The following ZFPM1 variants were observed in gnomAD, a reference collection of about 807,000 sequenced individuals.
ZFPM1 encodes the protein zinc finger protein, FOG family member 1.
Under a neutral mutation model 46.3 loss-of-function variants are expected in ZFPM1, and 28 were observed. That is an observed-to-expected ratio of 0.60 (90% confidence interval 0.45 to 0.83). The LOEUF is 0.83. Among genes scored for constraint, ZFPM1 ranks in the 40% least tolerant of loss-of-function variants. The pLI, the probability that ZFPM1 is intolerant of heterozygous loss-of-function variation, is 0.00. For missense variants in ZFPM1, 1,878 were observed against 1,432.4 expected, an observed-to-expected ratio of 1.31 and a Z score of -5.02; for synonymous variants, 957 against 675.9, an observed-to-expected ratio of 1.42 and a Z score of -6.45.
At chr16:88,504,809 C>T (rs1297636330) in intron 3 of ZFPM1, among the ~76,000 whole-genome samples, 1 of 152,212 alleles carries the variant, frequency 6.6e-6, no homozygotes, top group Non-Finnish European at 1.5e-5. Context: ...TCTGAAAGGG[C>T]AGTTCTGGGC....
At chr16:88,512,324 A>C (rs1911015222) in intron 3 of ZFPM1, among the ~76,000 whole-genome samples, 1 of 152,200 alleles carries the variant, frequency 6.6e-6, no homozygotes, top group Admixed American at 6.5e-5. Context: ...GCAGGTGTGG[A>C]CGCTGCAGGC....
At chr16:88,501,390 C>G (rs796702183) in intron 3 of ZFPM1, among the ~76,000 whole-genome samples, 1 of 92,418 alleles carries the variant, frequency 1.1e-5, no homozygotes, top group African/African-American at 5.1e-5. Flanking sequence ...GGTGCGGGGC[C>G]CTCCCGCAGG....
At position 88,534,153 on chromosome 16, in the gene ZFPM1, C is replaced by A. The variant is rs1393526304; in HGVS notation, c.2195C>A (p.Pro732His). Residue 732 changes from proline (P) to histidine (H), a missense_variant, in exon 10 of 10, where the codon CCC becomes CAC. By Grantham distance (77) the Pro-to-His change is moderately conservative. Transcript: ENST00000319555. ...GPPGPAAPPA[P>H]SPAAPVRTRR... ...CCTGGGCCGGCCGCGCCCCCGGCCC[C>A]CTCTCCCGCCGCGCCTGTGCGCACG... The A allele has an allele frequency of 2.0e-6, 2 of 1,003,612 alleles. No individual in the cohort carries two copies. The highest frequency in any genetic ancestry group is 1.2e-6 in the Non-Finnish European group (1 of 845,216). 62.2% of individuals were successfully genotyped at this position (1,003,612 alleles called of 1,614,324 possible).
At chr16:88,528,293 C>G in intron 6 of ZFPM1, 55 bp downstream of exon 6, 1 of 1,514,858 alleles carries the variant, frequency 6.6e-7, no homozygotes, top group African/African-American at 1.4e-5. Context: ...GAGGAGCAGG[C>G]AGGGCAGGAG....
chr16:88,486,575 T>G (rs1597243049), intron 2 of ZFPM1, among the ~76,000 whole-genome samples: 1 of 147,250 alleles, frequency 6.8e-6, no homozygotes. Flanking sequence ...ACACAGTGGG[T>G]GCTAGGTGCA....
In ZFPM1 at chr16:88,489,335, G is replaced by C; in HGVS notation, c.268+182G>C. The stretch of plus-strand genomic sequence containing the variant: ...GCAGCTGGTGGTATCACTGGAGCTT[G>C]GCACCCTCGCGCCAATCCCGGGCCT... On this transcript the variant is annotated intron_variant, in intron 3 of 9. Transcript: ENST00000319555. 5 of 998,448 alleles carry C rather than the reference G, an allele frequency of 5.0e-6. No homozygotes were observed. In the South Asian group the frequency reaches 9.1e-5, roughly 18 times the overall value. The allele number at this position is 998,448 out of a possible 1,614,324, so 61.8% of individuals were successfully genotyped here.
intron 1 of ZFPM1, among the ~76,000 whole-genome samples, chr16:88,465,229 C>T (rs1260441833): frequency 6.6e-6 from 1 of 152,194 alleles, no homozygotes; most frequent in African/African-American, 2.4e-5. Context: ...GAGACACAGG[C>T]AGGGCGCAGC....
At chr16:88,492,458 C>T (rs1458073983) in intron 3 of ZFPM1, among the ~76,000 whole-genome samples, 1 of 152,206 alleles carries the variant, frequency 6.6e-6, no homozygotes, top group East Asian at 1.9e-4. Flanking sequence ...CCAAGGGGCA[C>T]TCTGCACCTT....
intron 1 of ZFPM1, among the ~76,000 whole-genome samples, chr16:88,456,587 A>T (rs1479207494): frequency 6.6e-6 from 1 of 152,100 alleles, no homozygotes; most frequent in Non-Finnish European, 1.5e-5. Context: ...GGGGCACGTC[A>T]GGTGGTCAGG....
chr16:88,512,205 T>C (rs1212415384), intron 3 of ZFPM1, among the ~76,000 whole-genome samples: 1 of 152,098 alleles, frequency 6.6e-6, no homozygotes, highest in Non-Finnish European at 1.5e-5. Flanking sequence ...GTGGGCCGGG[T>C]AGGGTGGGCA....
At chr16:88,454,931 CAGG>C (rs1430736877) in intron 1 of ZFPM1, among the ~76,000 whole-genome samples, 6 of 152,218 alleles carry the variant, frequency 3.9e-5, no homozygotes, top group Non-Finnish European at 7.3e-5. Context: ...CTTCCCTACT[CAGG>C]AGGTCTCCCG....
At chr16:88,474,058 C>A (rs184905539) in intron 1 of ZFPM1, among the ~76,000 whole-genome samples, 1 of 152,250 alleles carries the variant, frequency 6.6e-6, no homozygotes, top group African/African-American at 2.4e-5. Context: ...CCGAGTTCAG[C>A]GGTGATGAAT....
intron 4 of ZFPM1, among the ~76,000 whole-genome samples, chr16:88,515,584 C>T (rs909887324): frequency 6.6e-6 from 1 of 152,224 alleles, no homozygotes; most frequent in African/African-American, 2.4e-5. Flanking sequence ...GGCAGCTGGG[C>T]GGGTCACGTG....
At chr16:88,526,947 C>A in intron 5 of ZFPM1, 31 bp downstream of exon 5, 3 of 1,538,922 alleles carry the variant, frequency 1.9e-6, no homozygotes, top group Non-Finnish European at 2.6e-6. Context: ...CCGTCCCAAG[C>A]CTTCCGGAAG....
upstream of ZFPM1, among the ~76,000 whole-genome samples, chr16:88,452,383 T>C (rs192543507): frequency 7.9e-5 from 12 of 152,278 alleles, no homozygotes; most frequent in East Asian, 2.3e-3. Context: ...CCGGGCGCTG[T>C]GGGCAACTCC....
chr16:88,514,588 G>T (rs1477014828), intron 4 of ZFPM1, 68 bp downstream of exon 4: 1 of 1,464,158 alleles, frequency 6.8e-7, no homozygotes, highest in Non-Finnish European at 9.0e-7. Context: ...CCAGGGGACA[G>T]GCCCAGCTTA....
In ZFPM1 at chr16:88,469,887, G is replaced by T. The variant is rs1355212262; in HGVS notation, c.41-16052G>T. Among the ~76,000 whole-genome samples, 1 of 152,066 alleles carries T rather than the reference G, an allele frequency of 6.6e-6. No individual in the cohort carries two copies. The highest frequency in any genetic ancestry group is 2.4e-5 in the African/African-American group (1 of 41,398). The stretch of plus-strand genomic sequence containing the variant: ...GGTGCAGTGCCTCTCACGTGGTGAG[G>T]GTCAGAGGTGCGTGCCCAGCCCAGA... On this transcript the variant is annotated intron_variant, in intron 1 of 9. Coordinates refer to ENST00000319555, the MANE Select transcript of ZFPM1 (RefSeq NM_153813.3). This position sits in a 1 kb window ranked among gnomAD's most constrained non-coding sequence, Gnocchi z 4.3.
intron 2 of ZFPM1, among the ~76,000 whole-genome samples, chr16:88,487,538 G>A (rs866784164): frequency 1.3e-5 from 2 of 152,172 alleles, no homozygotes; most frequent in Non-Finnish European, 2.9e-5. Context: ...CAACGGGGGT[G>A]GGGGAGAGGT....
intron 3 of ZFPM1, among the ~76,000 whole-genome samples, chr16:88,493,328 T>A (rs1419804640): frequency 7.2e-6 from 1 of 138,656 alleles, no homozygotes; most frequent in East Asian, 2.2e-4. Context: ...TGTGGGAAAT[T>A]GTCCCGGGGT....
Sources: allele counts gnomAD v4.1 joint callset (sites outside exome capture counted in the v4.1 genomes callset), GRCh38; gene constraint gnomAD v4.1.1; non-coding constraint Gnocchi (gnomAD v3.1); transcripts MANE v1.5; gene names NCBI Gene and HGNC (gene_info 2026-07-23, HGNC 2026-07-21).